The following CUX2 variants were observed in gnomAD, a reference collection of about 807,000 sequenced individuals.
CUX2 encodes the protein cut like homeobox 2.
Under a neutral mutation model 144.8 loss-of-function variants are expected in CUX2, and 40 were observed. That is an observed-to-expected ratio of 0.28 (90% CI 0.21 to 0.36). CUX2 has a LOEUF of 0.36. Ranked by LOEUF, CUX2 falls within the 10% of genes least tolerant of loss-of-function variation. The pLI is 1.00. For missense variants in CUX2, 1,615 were observed against 1,994.0 expected (o/e 0.81, Z 3.62); for synonymous variants, 827 against 875.6 (o/e 0.94, Z 0.98).
chr12:111,191,261 G>A (rs536873192), intron 1 of CUX2, among the ~76,000 whole-genome samples: 1 of 151,936 alleles, frequency 6.6e-6, no homozygotes, highest in East Asian at 1.9e-4. Context: ...GGCCCACAGG[G>A]GTCATTGTGT....
chr12:111,303,894 C>T (rs1490225021), intron 9 of CUX2, among the ~76,000 whole-genome samples: 2 of 152,154 alleles, frequency 1.3e-5, no homozygotes, highest in Non-Finnish European at 1.5e-5. Context: ...TCTCATCCTG[C>T]CTTCATAGAG....
At position 111,302,503 on chromosome 12, in the gene CUX2, A is replaced by G. The variant is rs115974118; in HGVS notation, c.754-1707A>G. On this transcript the variant is annotated intron_variant, in intron 9 of 21. Transcript: ENST00000261726. ...TCTTGCCTAAGATCGCATAACCGGAAAGTTGCAAAGTCAGAATGTGAGCCC... is the reference window on the plus strand; with the variant it reads ...TCTTGCCTAAGATCGCATAACCGGAGAGTTGCAAAGTCAGAATGTGAGCCC... Among the ~76,000 whole-genome samples the G allele has an allele frequency of 3.9e-3, 592 of 152,306 alleles. 5 individuals are homozygous for G. Among genetic ancestry groups the G allele is most frequent in the African/African-American group, 0.014 (566 of 41,576 alleles).
Position 111,307,354 on chromosome 12 carries a change from C to T in CUX2, c.1109+97C>T. ...CATCTTCCTCCCTCCTACTAAACCC[C>T]ATTTGTTCTTCTCTCCACTAACACT... On this transcript the variant is annotated intron_variant, in intron 12 of 21. Coordinates refer to ENST00000261726, the MANE Select transcript of CUX2 (RefSeq NM_015267.4). This position sits in a 1 kb window ranked among gnomAD's most constrained non-coding sequence, Gnocchi z 4.1. 1 of 1,113,588 alleles carries T rather than the reference C, an allele frequency of 9.0e-7. No individual in the cohort carries two copies. The highest frequency in any genetic ancestry group is 1.3e-6 in the Non-Finnish European group (1 of 762,310). 69.0% of individuals were successfully genotyped at this position (1,113,588 alleles called of 1,614,324 possible).
chr12:111,205,853 C>T (rs1023890056), intron 1 of CUX2, among the ~76,000 whole-genome samples: 2 of 152,168 alleles, frequency 1.3e-5, no homozygotes, highest in Non-Finnish European at 2.9e-5. Context: ...GGGTCTCTGG[C>T]CTTGACACAT....
chr12:111,328,974 T>TCTCTCC (rs1435391998), intron 18 of CUX2, among the ~76,000 whole-genome samples: 1 of 65,356 alleles, frequency 1.5e-5, no homozygotes, highest in Non-Finnish European at 2.6e-5. Flanking sequence ...TCTCTCTCTC[T>TCTCTCC]CCCCCTCTCT....
intron 1 of CUX2, among the ~76,000 whole-genome samples, chr12:111,036,454 A>T (rs1869450434): frequency 6.6e-6 from 1 of 152,160 alleles, no homozygotes; most frequent in South Asian, 2.1e-4. Flanking sequence ...GGTCACCCAA[A>T]TCTTGATTCC....
intron 16 of CUX2, among the ~76,000 whole-genome samples, chr12:111,317,892 C>G (rs1244042967): frequency 3.3e-5 from 5 of 152,044 alleles, no homozygotes; most frequent in Admixed American, 6.5e-5. Context: ...CCCAGCTACT[C>G]GGGAGGCTGA....
chr12:111,238,299 G>T (rs1372354708), intron 3 of CUX2, among the ~76,000 whole-genome samples: 1 of 152,150 alleles, frequency 6.6e-6, no homozygotes, highest in Non-Finnish European at 1.5e-5. Flanking sequence ...GATGTTCCTG[G>T]GTCCCTCACG....
At chr12:111,324,133 A>G (rs997994861) in intron 18 of CUX2, among the ~76,000 whole-genome samples, 1 of 151,982 alleles carries the variant, frequency 6.6e-6, no homozygotes, top group Non-Finnish European at 1.5e-5. Context: ...GGCGGATCAC[A>G]AAGTCAGGAG....
chr12:111,306,093 C>T (rs1886566240), intron 10 of CUX2, among the ~76,000 whole-genome samples: 1 of 152,066 alleles, frequency 6.6e-6, no homozygotes, highest in African/African-American at 2.4e-5. Flanking sequence ...ATGAGGATGC[C>T]TCGTAGAGGA....
intron 5 of CUX2, among the ~76,000 whole-genome samples, chr12:111,292,861 G>A (rs897673843): frequency 3.9e-5 from 6 of 152,084 alleles, no homozygotes; most frequent in African/African-American, 7.2e-5. Flanking sequence ...GTTGGCTCAC[G>A]CCTGTAATCC....
At chr12:111,175,959 G>A (rs1229624263) in intron 1 of CUX2, among the ~76,000 whole-genome samples, 1 of 151,936 alleles carries the variant, frequency 6.6e-6, no homozygotes, top group Non-Finnish European at 1.5e-5. Context: ...TAGGTGGCAG[G>A]GGCGGGAAGG....
chr12:111,269,839 T>A (rs1884554841), intron 4 of CUX2, among the ~76,000 whole-genome samples: 1 of 152,102 alleles, frequency 6.6e-6, no homozygotes, highest in South Asian at 2.1e-4. Flanking sequence ...CCAAGCCCAG[T>A]GCTGACTCCA....
intron 19 of CUX2, 42 bp from the exon 20 acceptor site, chr12:111,338,243 GC>G: frequency 1.9e-6 from 3 of 1,553,322 alleles, no homozygotes; most frequent in Non-Finnish European, 1.7e-6. Flanking sequence ...AGGCTTCTCT[GC>G]CCAGCCTCGG....
intron 1 of CUX2, among the ~76,000 whole-genome samples, chr12:111,038,988 G>A (rs1869602549): frequency 6.6e-6 from 1 of 151,936 alleles, no homozygotes; most frequent in Admixed American, 6.6e-5. Context: ...CTGTTAAAAA[G>A]AGGATTCTAT....
intron 1 of CUX2, among the ~76,000 whole-genome samples, chr12:111,194,541 C>G (rs1880115991): frequency 6.6e-6 from 1 of 152,172 alleles, no homozygotes; most frequent in African/African-American, 2.4e-5. Flanking sequence ...CTGCTGGGCC[C>G]ACAGTTCCAT....
intron 1 of CUX2, among the ~76,000 whole-genome samples, chr12:111,147,087 A>G (rs1374856447): frequency 6.6e-6 from 1 of 152,220 alleles, no homozygotes; most frequent in Admixed American, 6.5e-5. Flanking sequence ...GTGAGCCGAG[A>G]TCATGCCATG....
chr12:111,293,647 G>T lies in CUX2; in HGVS notation c.560+78G>T, dbSNP rs529797832. ...TGCCCCACCTGGCTGGGTCGTGGAC[G>T]GGGAAAGTCTCCTACCAGAATCCAG... On this transcript the variant is annotated intron_variant, in intron 6 of 21. Coordinates refer to ENST00000261726, the MANE Select transcript of CUX2 (RefSeq NM_015267.4). This position sits in a 1 kb window ranked among gnomAD's most constrained non-coding sequence, Gnocchi z 4.5. The T allele has an allele frequency of 6.7e-7, 1 of 1,501,110 alleles. No individual in the cohort carries two copies. Among genetic ancestry groups the T allele is most frequent in the East Asian group, 2.5e-5 (1 of 40,104 alleles). The allele number at this position is 1,501,110 out of a possible 1,614,324, so 93.0% of individuals were successfully genotyped here. A position where few individuals can be genotyped will look rare whatever the true frequency, so the allele number is the denominator to read the frequency against.
rs1192273557 is a variant in CUX2, at chr12:111,330,709, A to G, written c.2927-3732A>G. On this transcript the variant is annotated intron_variant, in intron 18 of 21. Coordinates refer to ENST00000261726, the MANE Select transcript of CUX2 (RefSeq NM_015267.4). ...TACATATATATATATATATATATAT[A>G]TATATATATATATATATATATATAT... 5.0e-4 allele frequency among the ~76,000 whole-genome samples: 12 copies of G among 24,020 alleles called. 2 individuals are homozygous for G. Among genetic ancestry groups the G allele is most frequent in the South Asian group, 2.1e-3 (2 of 946 alleles). 15.8% of individuals were successfully genotyped at this position (24,020 alleles called of 152,430 possible).
Sources: gnomAD v4.1 joint callset for allele counts (sites outside exome capture counted in the v4.1 genomes callset) on GRCh38, gnomAD v4.1.1 for gene constraint, Gnocchi (gnomAD v3.1) non-coding constraint, MANE v1.5 for transcripts, NCBI Gene and HGNC (gene_info 2026-07-23, HGNC 2026-07-21) for gene names.